Variants in CAST observed in about 807,000 individuals in gnomAD.
CAST encodes calpastatin, also known as MIR583 host.
In CAST, 76 loss-of-function variants were observed where a neutral mutation model predicts 119.6. The ratio of observed to expected loss-of-function variants is 0.64; its 90% CI spans 0.53 to 0.77. The LOEUF (loss-of-function observed/expected upper bound fraction) is 0.77. Among genes scored for constraint, CAST ranks in the 30% least tolerant of loss-of-function variants. The pLI is 0.00. For synonymous variants in CAST, 319 were observed against 331.6 expected (o/e 0.96, Z 0.41); for missense variants, 953 against 946.5 (o/e 1.01, Z -0.09).
the CAST span, among the ~76,000 whole-genome samples, chr5:96,362,215 T>G: frequency 2.0e-5 from 3 of 152,182 alleles, no homozygotes; most frequent in Admixed American, 6.5e-5. Flanking sequence ...TGCCACATTT[T>G]CTTAATCCAG....
At chr5:96,554,599 A>G (rs879294303) in intron 1 of CAST, among the ~76,000 whole-genome samples, 2 of 152,244 alleles carry the variant, frequency 1.3e-5, no homozygotes, top group Non-Finnish European at 2.9e-5. Flanking sequence ...AAAAGAAACT[A>G]TCATCAGAGT....
the CAST span, among the ~76,000 whole-genome samples, chr5:96,498,273 T>C: frequency 1.3e-5 from 2 of 152,242 alleles, no homozygotes; most frequent in African/African-American, 2.4e-5. Flanking sequence ...AGCTGTGTAG[T>C]ATAGTTTGAA....
chr5:96,675,619 G>A lies in CAST; in HGVS notation c.138+18G>A. The A allele has an allele frequency of 6.4e-7, 1 of 1,570,636 alleles. No individual in the cohort carries two copies. The highest frequency in any genetic ancestry group is 8.7e-7 in the Non-Finnish European group (1 of 1,145,186). On this transcript the variant is annotated intron_variant, in intron 2 of 31. Transcript: ENST00000675179. The stretch of plus-strand genomic sequence containing the variant: ...CAGATGAGGTAATTTCCACAATACT[G>A]GGCTTTCATTTTCTCTTGCTTTTAA...
At chr5:96,485,606 C>A in the CAST span, among the ~76,000 whole-genome samples, 1 of 152,036 alleles carries the variant, frequency 6.6e-6, no homozygotes, top group East Asian at 1.9e-4. Flanking sequence ...AACCTGGGAC[C>A]ATTAACGAAA....
intron 1 of CAST, among the ~76,000 whole-genome samples, chr5:96,617,566 A>G (rs4869298): frequency 0.038 from 5,794 of 151,832 alleles, 349 homozygotes; most frequent in African/African-American, 0.13. Context: ...AAGGCGGGCG[A>G]ATCACAAGGT....
chr5:96,241,681 C>T, the CAST span, among the ~76,000 whole-genome samples: 1 of 141,362 alleles, frequency 7.1e-6, no homozygotes, highest in Non-Finnish European at 1.6e-5. Flanking sequence ...GTCCCACCAA[C>T]AGTGTAAAAG....
chr5:96,606,903 C>G (rs1303870011), intron 1 of CAST, among the ~76,000 whole-genome samples: 1 of 152,166 alleles, frequency 6.6e-6, no homozygotes, highest in Non-Finnish European at 1.5e-5. Flanking sequence ...GGGGCCCTCC[C>G]CAGGCCAACT....
intron 2 of CAST, among the ~76,000 whole-genome samples, chr5:96,684,960 A>C (rs184909913): frequency 1.5e-5 from 2 of 133,894 alleles, no homozygotes; most frequent in Non-Finnish European, 3.1e-5. Context: ...TTAAATTAAG[A>C]ATCTGTGATA....
chr5:96,760,227 A>G (rs1237540904), intron 24 of CAST, among the ~76,000 whole-genome samples: 1 of 152,026 alleles, frequency 6.6e-6, no homozygotes, highest in East Asian at 1.9e-4. Flanking sequence ...TACAGCATAC[A>G]TAGAATATAA....
chr5:96,012,608 G>T, the CAST span, among the ~76,000 whole-genome samples: 1 of 152,128 alleles, frequency 6.6e-6, no homozygotes, highest in South Asian at 2.1e-4. Flanking sequence ...CATGCATAGA[G>T]TGTTCAAGTT....
In CAST at chr5:96,765,238, CGAT is replaced by C. The variant is rs1561614763; in HGVS notation, c.1955_1957del (p.Asp652del). On this transcript the variant is annotated inframe_deletion, in exon 26 of 32. Transcript: ENST00000675179. ...CTTTTCAGCAGAGTGACAAAGACCT[CGAT>C]GATGCCTTGGATAAACTCTCTGACA... 1 of 1,603,130 alleles carries C rather than the reference CGAT, an allele frequency of 6.2e-7. No individual in the cohort carries two copies. The highest frequency in any genetic ancestry group is 8.5e-7 in the Non-Finnish European group (1 of 1,172,394).
At chr5:96,193,299 T>C in the CAST span, among the ~76,000 whole-genome samples, 1 of 152,152 alleles carries the variant, frequency 6.6e-6, no homozygotes, top group Non-Finnish European at 1.5e-5. Flanking sequence ...TATGATATCA[T>C]GCGATATTTA....
chr5:96,108,545 G>T, the CAST span, among the ~76,000 whole-genome samples: 5 of 152,210 alleles, frequency 3.3e-5, no homozygotes, highest in Non-Finnish European at 1.5e-5. Context: ...CGGGGATCAG[G>T]GGTCAGGGAC....
upstream of CAST, among the ~76,000 whole-genome samples, chr5:96,657,191 G>A (rs1580860347): frequency 6.6e-6 from 1 of 152,164 alleles, no homozygotes; most frequent in East Asian, 1.9e-4. Context: ...TTTGCAGGAT[G>A]GCTTTATTTT....
At position 96,623,925 on chromosome 5, in the gene CAST, C is replaced by T. The variant is rs866081882; in HGVS notation, c.61-51614C>T. 4.6e-5 allele frequency among the ~76,000 whole-genome samples: 7 copies of T among 152,064 alleles called. No homozygotes were observed. In the South Asian group the frequency reaches 8.3e-4, roughly 18 times the overall value. Reference sequence around the variant, plus strand: ...TGTTGCCCAGGCTGGTCTCAAACTCCGAGACTCAAGCGATCCTCCCACCTC... The same window carrying T: ...TGTTGCCCAGGCTGGTCTCAAACTCTGAGACTCAAGCGATCCTCCCACCTC... On this transcript the variant is annotated intron_variant, in intron 1 of 11. Coordinates refer to the CAST transcript ENST00000505143.
At chr5:96,562,083 C>A (rs527356812) in intron 1 of CAST, among the ~76,000 whole-genome samples, 1 of 151,768 alleles carries the variant, frequency 6.6e-6, no homozygotes, top group African/African-American at 2.4e-5. Flanking sequence ...TGAGCCACCG[C>A]GCCCGGCCAT....
At chr5:96,665,413 T>G (rs1359486200) in intron 1 of CAST, among the ~76,000 whole-genome samples, 1 of 152,218 alleles carries the variant, frequency 6.6e-6, no homozygotes, top group African/African-American at 2.4e-5. Flanking sequence ...CAATGTATAT[T>G]TACATTAACA....
chr5:96,006,243 C>T, the CAST span, among the ~76,000 whole-genome samples: 1 of 152,084 alleles, frequency 6.6e-6, no homozygotes, highest in Non-Finnish European at 1.5e-5. Context: ...TCTGGCTAGG[C>T]CACATCTTCA....
chr5:96,525,284 G>A (rs924025988), upstream of CAST: 2 of 152,126 alleles, frequency 1.3e-5, no homozygotes, highest in African/African-American at 4.8e-5. Flanking sequence ...GCAAAGTTGG[G>A]GTGCAGATGG....
Sources: allele counts gnomAD v4.1 joint callset (sites outside exome capture counted in the v4.1 genomes callset), GRCh38; gene constraint gnomAD v4.1.1; transcripts MANE v1.5; gene names NCBI Gene and HGNC (gene_info 2026-07-23, HGNC 2026-07-21).